Variants in G2E3 observed in about 807,000 individuals in gnomAD.
G2E3 encodes G2/M phase-specific E3 ubiquitin-protein ligase.
G2E3 carries 35 observed loss-of-function variants against 92.8 expected under a neutral mutation model. That is an observed-to-expected ratio of 0.38 (90% CI 0.29 to 0.50). The LOEUF is 0.50. Among genes scored for constraint, G2E3 ranks in the 20% least tolerant of loss-of-function variants. The probability of loss-of-function intolerance (pLI) is 0.94; values close to 1 mark genes in which losing one functional copy is unlikely to be tolerated. For missense variants in G2E3, 554 were observed against 823.8 expected, an observed-to-expected ratio of 0.67 and a Z score of 4.01; for synonymous variants, 242 against 272.4, an observed-to-expected ratio of 0.89 and a Z score of 1.10.
rs1303383451 is a variant in G2E3 at position 30,618,430 on chromosome 14, C to T, written c.*1896C>T. On this transcript the variant is annotated 3_prime_UTR_variant, in exon 15 of 15. Transcript: ENST00000206595. ...ACAAACCAATAAAACCTAGTTAAAG[C>T]TATTTTCTGGTTTTTAGTTGCAATT... 7.2e-5 allele frequency: 11 copies of T among 151,964 alleles called. No individual in the cohort carries two copies. Among genetic ancestry groups the T allele is most frequent in the Admixed American group, 7.2e-4 (11 of 15,260 alleles). 9.4% of individuals were successfully genotyped at this position (151,964 alleles called of 1,614,324 possible).
At chr14:30,603,053 C>T (rs1881649541) in intron 10 of G2E3, among the ~76,000 whole-genome samples, 1 of 152,144 alleles carries the variant, frequency 6.6e-6, no homozygotes, top group African/African-American at 2.4e-5. Flanking sequence ...ATAGGCCGGG[C>T]ATCGTGGCTC....
intron 2 of G2E3, among the ~76,000 whole-genome samples, chr14:30,583,362 A>G (rs1426552365): frequency 2.0e-5 from 3 of 152,232 alleles, no homozygotes; most frequent in African/African-American, 7.2e-5. Flanking sequence ...TGAGGTAGGT[A>G]CTATTATCCT....
intron 1 of G2E3, among the ~76,000 whole-genome samples, chr14:30,563,695 T>G (rs537379120): frequency 5.2e-4 from 74 of 141,296 alleles, no homozygotes; most frequent in Admixed American, 1.3e-3. Flanking sequence ...TTTGTTACTT[T>G]TGTGTGTGTG....
At chr14:30,567,807 CTATT>C (rs1263121567) in intron 1 of G2E3, among the ~76,000 whole-genome samples, 1 of 151,752 alleles carries the variant, frequency 6.6e-6, no homozygotes, top group African/African-American at 2.4e-5. Context: ...GACTTTTTGT[CTATT>C]TAAAGTTGTT....
At chr14:30,594,427 C>T (rs1416625486) in intron 6 of G2E3, among the ~76,000 whole-genome samples, 12 of 152,002 alleles carry the variant, frequency 7.9e-5, no homozygotes, top group Non-Finnish European at 5.9e-5. Flanking sequence ...TGGTGGCTCA[C>T]GCCTGTAATC....
intron 1 of G2E3, among the ~76,000 whole-genome samples, chr14:30,577,191 A>G (rs1035312235): frequency 2.1e-5 from 3 of 142,884 alleles, no homozygotes; most frequent in African/African-American, 8.0e-5. Context: ...CGTCACTGCA[A>G]TCCAGCCTAG....
At chr14:30,575,029 A>G (rs1254548571) in intron 1 of G2E3, among the ~76,000 whole-genome samples, 2 of 152,164 alleles carry the variant, frequency 1.3e-5, no homozygotes, top group African/African-American at 2.4e-5. Context: ...GGACTAATTT[A>G]CACTACCACC....
chr14:30,595,750 T>A (rs748666825), intron 6 of G2E3, among the ~76,000 whole-genome samples: 3 of 152,136 alleles, frequency 2.0e-5, no homozygotes, highest in Non-Finnish European at 4.4e-5. Flanking sequence ...ACATATGGAG[T>A]CTTATCCAAT....
chr14:30,593,523 T>A lies in G2E3; in HGVS notation c.412T>A (p.Tyr138Asn). 6.4e-7 allele frequency: 1 copy of A among 1,562,252 alleles called. No individual in the cohort carries two copies. Among genetic ancestry groups the A allele is most frequent in the Middle Eastern group, 1.7e-4 (1 of 5,948 alleles). ...RPVQIITSNN[Y>N]RESLPCTICL... ...TGTTCAAATAATTACATCTAATAAT[T>A]ATAGAGAGTCCTTACCATGCACCAT... The change falls in exon 6 of 15, where the codon TAT becomes AAT. Residue 138 changes from tyrosine to asparagine, a missense_variant. Tyr to Asn is a moderately radical substitution (Grantham distance 143). Transcript: ENST00000206595.
chr14:30,560,797 T>C (rs1020509534), intron 1 of G2E3: 4 of 702,016 alleles, frequency 5.7e-6, no homozygotes, highest in East Asian at 5.4e-5. Context: ...TCTGAATCAG[T>C]AGGTCTGGAG....
At chr14:30,588,218 T>G (rs1053604156) in intron 3 of G2E3, among the ~76,000 whole-genome samples, 8 of 146,078 alleles carry the variant, frequency 5.5e-5, no homozygotes, top group Non-Finnish European at 8.8e-5. Context: ...TTTTTTTCAG[T>G]CAGGAAAGGA....
intron 2 of G2E3, among the ~76,000 whole-genome samples, chr14:30,585,112 G>T (rs1880637356): frequency 6.6e-6 from 1 of 152,044 alleles, no homozygotes; most frequent in South Asian, 2.1e-4. Context: ...AGGATTATAG[G>T]CATGAGCCAC....
chr14:30,563,695 T>TTGTGTGTGTGTGTG (rs56029424), intron 1 of G2E3, among the ~76,000 whole-genome samples: 10 of 141,184 alleles, frequency 7.1e-5, no homozygotes, highest in African/African-American at 1.1e-4. Context: ...TTTGTTACTT[T>TTGTGTGTGTGTGTG]TGTGTGTGTG....
chr14:30,610,966 G>A (rs1394973964), intron 12 of G2E3, among the ~76,000 whole-genome samples: 1 of 152,212 alleles, frequency 6.6e-6, no homozygotes, highest in African/African-American at 2.4e-5. Context: ...AGCATAAAAT[G>A]CTATCTGGCC....
intron 1 of G2E3, chr14:30,560,924 A>C: frequency 1.6e-6 from 1 of 631,544 alleles, no homozygotes; most frequent in Non-Finnish European, 2.8e-6. Context: ...AAAGACATGG[A>C]ACTGGGGCCA....
chr14:30,616,138 T>C, intron 14 of G2E3, 140 bp from the exon 15 acceptor site: 1 of 631,332 alleles, frequency 1.6e-6, no homozygotes, highest in Non-Finnish European at 2.8e-6. Context: ...GACTTTGTGA[T>C]TTAGTTTGCC....
At chr14:30,559,466 T>C (rs1338933079) in intron 1 of G2E3, 194 bp downstream of exon 1, 2 of 152,238 alleles carry the variant, frequency 1.3e-5, no homozygotes, top group African/African-American at 2.4e-5. Flanking sequence ...ACCAGCGCTC[T>C]CGACGGTTGC....
rs757571738 is a variant in G2E3, at chr14:30,589,505, T to C, written c.237+21T>C. On this transcript the variant is annotated intron_variant, in intron 4 of 14. Coordinates refer to ENST00000206595, the MANE Select transcript of G2E3 (RefSeq NM_017769.5). ...AACTGGTAAGTAAATTATTTTACTA[T>C]TAAGTAATGTCATAAATATTGTCAA... The C allele has an allele frequency of 2.6e-6, 3 of 1,138,236 alleles. No homozygotes were observed. The South Asian group carries it at 3.9e-5, about 15-fold the overall frequency. The allele number at this position is 1,138,236 out of a possible 1,614,324, so 70.5% of individuals were successfully genotyped here.
At chr14:30,602,206 T>C (rs1247844275) in intron 10 of G2E3, 75 bp downstream of exon 10, 1 of 1,137,408 alleles carries the variant, frequency 8.8e-7, no homozygotes, top group Non-Finnish European at 1.3e-6. Context: ...CATATACATT[T>C]AGAATATTAG....
Sources: allele counts gnomAD v4.1 joint callset (sites outside exome capture counted in the v4.1 genomes callset), GRCh38; gene constraint gnomAD v4.1.1; transcripts MANE v1.5; gene names NCBI Gene and HGNC (gene_info 2026-07-23, HGNC 2026-07-21).